Variants in LRRFIP2 observed in about 807,000 individuals in gnomAD.
LRRFIP2 encodes LRR binding FLII interacting protein 2.
Under a neutral mutation model 125.9 loss-of-function variants are expected in LRRFIP2, and 109 were observed. That is an observed-to-expected ratio of 0.87 (90% confidence interval 0.74 to 1.01). LRRFIP2 has a LOEUF of 1.01. LRRFIP2 is among the 50% of genes least tolerant of loss of function. The probability of loss-of-function intolerance (pLI) is 0.00; values close to 1 mark genes in which losing one functional copy is unlikely to be tolerated. For synonymous variants in LRRFIP2, 291 were observed against 293.1 expected (o/e 0.99, Z 0.07); for missense variants, 850 against 862.3 (o/e 0.99, Z 0.18).
chr3:37,166,132 C>T (rs1578010258), intron 1 of LRRFIP2, among the ~76,000 whole-genome samples: 3 of 152,152 alleles, frequency 2.0e-5, no homozygotes, highest in African/African-American at 7.2e-5. Flanking sequence ...GAGTTCAAGG[C>T]CAGCCTGGCC....
chr3:37,141,247 T>C (rs1358534718), intron 2 of LRRFIP2, among the ~76,000 whole-genome samples: 3 of 152,240 alleles, frequency 2.0e-5, no homozygotes, highest in African/African-American at 7.2e-5. Context: ...TATACTGTAA[T>C]TCAAATCTGA....
In LRRFIP2 at chr3:37,112,958, T is replaced by A. The variant is rs906296343; in HGVS notation, c.395A>T (p.His132Leu). 4.4e-6 allele frequency: 7 copies of A among 1,581,214 alleles called. No homozygotes were observed. Among genetic ancestry groups the A allele is most frequent in the Admixed American group, 1.7e-5 (1 of 59,668 alleles). Reference protein sequence around the residue: ...SSLNHSYSHSHGMKKRSSDSH... With the variant: ...SSLNHSYSHSLGMKKRSSDSH... ...ATCAGAAGACCTCTTCTTCATTCCA[T>A]GAGAGTGACTGTAAGAATGATTCTG... Residue 132 changes from histidine (H) to leucine (L), a missense_variant, in exon 8 of 28, where the codon CAT (histidine) becomes CTT (leucine). Physicochemically the swap from His to Leu is moderately conservative, Grantham distance 99. Transcript: ENST00000336686.
At chr3:37,156,212 G>A (rs536308594) in intron 1 of LRRFIP2, among the ~76,000 whole-genome samples, 1 of 152,134 alleles carries the variant, frequency 6.6e-6, no homozygotes, top group Non-Finnish European at 1.5e-5. Context: ...AAGCATGGTG[G>A]CTCACACCTG....
At chr3:37,136,699 C>G (rs565332052) in intron 2 of LRRFIP2, among the ~76,000 whole-genome samples, 2 of 152,190 alleles carry the variant, frequency 1.3e-5, no homozygotes, top group South Asian at 4.2e-4. Context: ...GACTTGACCA[C>G]ATTACTAAAT....
intron 9 of LRRFIP2, among the ~76,000 whole-genome samples, chr3:37,110,258 G>C (rs2094501223): frequency 6.6e-6 from 1 of 152,146 alleles, no homozygotes; most frequent in African/African-American, 2.4e-5. Context: ...AATTGTACTA[G>C]TCAATGAATC....
rs1308003798 is a variant in LRRFIP2, at chr3:37,148,868, G to T, written c.90+26C>A. 9 of 1,613,510 alleles carry T rather than the reference G, an allele frequency of 5.6e-6. No individual in the cohort carries two copies. In the East Asian group the frequency reaches 2.0e-4, roughly 36 times the overall value. Reference sequence around the variant, plus strand: ...TTACAATACATCTGTGCAACTCAGTGTTGAGAGGGGATTTACCAAACATAC... The same window carrying T: ...TTACAATACATCTGTGCAACTCAGTTTTGAGAGGGGATTTACCAAACATAC... On this transcript the variant is annotated intron_variant, in intron 2 of 27. Transcript: ENST00000336686.
intron 11 of LRRFIP2, among the ~76,000 whole-genome samples, chr3:37,108,892 C>G (rs1292086871): frequency 6.6e-6 from 1 of 152,156 alleles, no homozygotes; most frequent in Non-Finnish European, 1.5e-5. Flanking sequence ...AAAAAACACC[C>G]CTGGTTACAG....
intron 2 of LRRFIP2, among the ~76,000 whole-genome samples, chr3:37,134,181 CAAAAA>C (rs35540438): frequency 1.8e-5 from 2 of 110,662 alleles, no homozygotes; most frequent in Non-Finnish European, 1.8e-5. Context: ...GACTCTGTCT[CAAAAA>C]AAAAAAAAAA....
rs1336037194 is a variant in LRRFIP2, at chr3:37,109,702, T to G, written c.515A>C (p.Gln172Pro). The change falls in exon 10 of 28, where the codon CAG becomes CCG. Residue 172 changes from glutamine (Q) to proline (P), a missense_variant and splice_region_variant. Gln to Pro is a moderately conservative substitution (Grantham distance 76). Coordinates refer to ENST00000336686, the MANE Select transcript of LRRFIP2 (RefSeq NM_006309.4). ...SKPTSAYYTR[Q>P]SSSLYSDPLA... is the part of the protein sequence containing the mutation. ...AGGGTCACTGTACAGGGAAGAAGACTGCTAAGAGACAAAAACAAAATAAAT... is the reference window on the plus strand; with the variant it reads ...AGGGTCACTGTACAGGGAAGAAGACGGCTAAGAGACAAAAACAAAATAAAT... 3 of 1,613,786 alleles carry G rather than the reference T, an allele frequency of 1.9e-6. No homozygotes were observed. The Admixed American group carries it at 5.0e-5, about 27-fold the overall frequency.
chr3:37,150,494 C>G (rs1014192687), intron 1 of LRRFIP2, among the ~76,000 whole-genome samples: 11 of 151,934 alleles, frequency 7.2e-5, no homozygotes, highest in African/African-American at 2.7e-4. Context: ...ATCTATGAAC[C>G]TGTTACTATT....
At chr3:37,127,708 A>C in intron 3 of LRRFIP2, 28 bp from the exon 4 acceptor site, 1 of 1,576,256 alleles carries the variant, frequency 6.3e-7, no homozygotes, top group Non-Finnish European at 8.7e-7. Flanking sequence ...TCATAAACCA[A>C]ATAGTTTCTA....
Position 37,053,716 on chromosome 3 carries a change from A to G in LRRFIP2, c.*135T>C. On this transcript the variant is annotated 3_prime_UTR_variant, in exon 28 of 28. Coordinates refer to ENST00000336686, the MANE Select transcript of LRRFIP2 (RefSeq NM_006309.4). ...TCAAAATGACTTCATTCTGTCATAA[A>G]TTATAAAATACAAAGGTGGCTGTTT... The G allele has an allele frequency of 1.6e-6, 1 of 623,738 alleles. No homozygotes were observed. The allele number at this position is 623,738 out of a possible 1,614,324, so 38.6% of individuals were successfully genotyped here.
chr3:37,065,420 G>A (rs1010526017), intron 23 of LRRFIP2: 2 of 372,760 alleles, frequency 5.4e-6, no homozygotes, highest in African/African-American at 2.1e-5. Flanking sequence ...GTAAGCAGTG[G>A]AACATAAAAC....
At chr3:37,174,014 T>G (rs1330647010) in intron 1 of LRRFIP2, 1 of 152,190 alleles carries the variant, frequency 6.6e-6, no homozygotes, top group African/African-American at 2.4e-5. Context: ...CACAGGGAAC[T>G]GAAACTCTTA....
chr3:37,079,834 T>C (rs913369317), intron 19 of LRRFIP2, among the ~76,000 whole-genome samples: 4 of 152,196 alleles, frequency 2.6e-5, no homozygotes, highest in Middle Eastern at 3.4e-3. Flanking sequence ...CAAAAGACCA[T>C]GTATTATATG....
chr3:37,176,347 A>G (rs1477188507), upstream of LRRFIP2: 3 of 152,220 alleles, frequency 2.0e-5, no homozygotes, highest in East Asian at 1.9e-4. Context: ...GGGCGGGGCC[A>G]CAGGGTCGAC....
chr3:37,150,296 C>G (rs934261161), intron 1 of LRRFIP2, among the ~76,000 whole-genome samples: 1 of 152,140 alleles, frequency 6.6e-6, no homozygotes, highest in Non-Finnish European at 1.5e-5. Context: ...AACCCCATCT[C>G]TACTAAAAAT....
At chr3:37,126,796 T>C (rs1478685371) in intron 4 of LRRFIP2, among the ~76,000 whole-genome samples, 3 of 150,960 alleles carry the variant, frequency 2.0e-5, no homozygotes, top group Non-Finnish European at 3.0e-5. Context: ...GAGACGGAGG[T>C]TGCAGTGAGC....
rs2148786124 is a variant in LRRFIP2, at chr3:37,065,960, C to T, written c.1567-18G>A. ...CCATGTTTCTGCAGGGGGGAAAAACCCACCATCACAAAAGGCCCGTATGGA... is the reference window on the plus strand; with the variant it reads ...CCATGTTTCTGCAGGGGGGAAAAACTCACCATCACAAAAGGCCCGTATGGA... On this transcript the variant is annotated intron_variant, in intron 22 of 27. Coordinates refer to ENST00000336686, the MANE Select transcript of LRRFIP2 (RefSeq NM_006309.4). 1 of 1,614,014 alleles carries T rather than the reference C, an allele frequency of 6.2e-7. No homozygotes were observed. The highest frequency in any genetic ancestry group is 8.5e-7 in the Non-Finnish European group (1 of 1,179,950).
Sources: gnomAD v4.1 joint callset for allele counts (sites outside exome capture counted in the v4.1 genomes callset) on GRCh38, gnomAD v4.1.1 for gene constraint, MANE v1.5 for transcripts, NCBI Gene and HGNC (gene_info 2026-07-23, HGNC 2026-07-21) for gene names.